DLC1: variants seen among roughly 807,000 people sequenced by gnomAD.
The protein encoded by DLC1 is rho GTPase-activating protein 7.
In DLC1, 54 loss-of-function variants were observed where a neutral mutation model predicts 140.3. The ratio of observed to expected loss-of-function variants is 0.38; its 90% CI spans 0.31 to 0.48. The LOEUF (loss-of-function observed/expected upper bound fraction) is 0.48, where lower values mean the gene tolerates loss of function less well. DLC1 is among the 20% of genes least tolerant of loss of function. The probability of loss-of-function intolerance (pLI) is 0.96; values close to 1 mark genes in which losing one functional copy is unlikely to be tolerated. For missense variants in DLC1, 2,536 were observed against 1,907.0 expected, an observed-to-expected ratio of 1.33 and a Z score of -6.14; for synonymous variants, 986 against 728.1, an observed-to-expected ratio of 1.35 and a Z score of -5.70.
At chr8:13,266,791 T>C (rs1033826895) in intron 5 of DLC1, among the ~76,000 whole-genome samples, 1 of 152,138 alleles carries the variant, frequency 6.6e-6, no homozygotes, top group Non-Finnish European at 1.5e-5. Flanking sequence ...GCCCTTTGCA[T>C]GGTTCTAATA....
intron 1 of DLC1, among the ~76,000 whole-genome samples, chr8:13,529,767 C>G (rs1333951149): frequency 6.6e-6 from 1 of 152,072 alleles, no homozygotes; most frequent in African/African-American, 2.4e-5. Context: ...ATGGGGAAGT[C>G]ACAGTCAAAA....
At chr8:13,100,923 T>A in intron 8 of DLC1, 153 bp from the exon 9 acceptor site, 50 of 716,744 alleles carry the variant, frequency 7.0e-5, no homozygotes, top group South Asian at 1.0e-4. Context: ...TTTTTTTTTT[T>A]AAAAATAGGG....
intron 5 of DLC1, among the ~76,000 whole-genome samples, chr8:13,226,081 T>C (rs769931481): frequency 2.0e-5 from 3 of 152,110 alleles, no homozygotes; most frequent in Non-Finnish European, 2.9e-5. Context: ...CTTGGCTACT[T>C]TTTTTGATTT....
chr8:13,468,335 C>CTCCCCT (rs148275266), intron 2 of DLC1, among the ~76,000 whole-genome samples: 1 of 107,798 alleles, frequency 9.3e-6, no homozygotes, highest in African/African-American at 3.2e-5. Context: ...TTCCCTTCCC[C>CTCCCCT]CCATTCCCCT....
upstream of DLC1, among the ~76,000 whole-genome samples, chr8:13,518,836 C>T (rs540270926): frequency 1.7e-4 from 26 of 152,064 alleles, no homozygotes; most frequent in South Asian, 4.6e-3. Context: ...GAAAATTATT[C>T]GTCTAAAAAT....
At chr8:13,333,517 G>C (rs1833691136) in intron 4 of DLC1, among the ~76,000 whole-genome samples, 1 of 152,036 alleles carries the variant, frequency 6.6e-6, no homozygotes, top group Non-Finnish European at 1.5e-5. Flanking sequence ...CCAATATGTG[G>C]GGATCAACAG....
At chr8:13,110,196 A>G (rs1424736967) in intron 7 of DLC1, among the ~76,000 whole-genome samples, 4 of 152,116 alleles carry the variant, frequency 2.6e-5, no homozygotes, top group Non-Finnish European at 5.9e-5. Flanking sequence ...AAGACCCAAA[A>G]CCACAATGAT....
intron 1 of DLC1, among the ~76,000 whole-genome samples, chr8:13,531,459 G>C (rs1803094033): frequency 6.6e-6 from 1 of 152,066 alleles, no homozygotes; most frequent in African/African-American, 2.4e-5. Flanking sequence ...GGTGATGGGG[G>C]CCTATAATCC....
At chr8:13,368,858 C>T (rs1191701364) in intron 4 of DLC1, among the ~76,000 whole-genome samples, 2 of 152,166 alleles carry the variant, frequency 1.3e-5, no homozygotes, top group African/African-American at 2.4e-5. Context: ...GAGTCTCACT[C>T]TGTTGCCCAG....
At chr8:13,099,291 C>G in intron 9 of DLC1, 56 bp downstream of exon 9, 1 of 1,557,986 alleles carries the variant, frequency 6.4e-7, no homozygotes, top group Non-Finnish European at 8.7e-7. Context: ...CAAGCACAGG[C>G]AATGTCTTTC....
At chr8:13,108,220 C>G (rs1819754649) in intron 7 of DLC1, among the ~76,000 whole-genome samples, 3 of 152,080 alleles carry the variant, frequency 2.0e-5, no homozygotes. Flanking sequence ...CAGTTGATGA[C>G]TATTACTGTG....
chr8:13,453,558 T>A (rs13277292), intron 2 of DLC1, among the ~76,000 whole-genome samples: 10,604 of 37,880 alleles, frequency 0.28, 1,510 homozygotes, highest in Non-Finnish European at 0.37. Context: ...ATATATATAT[T>A]TTTTTTTTTT....
At chr8:13,551,397 A>G (rs559742516) in intron 1 of DLC1, among the ~76,000 whole-genome samples, 6 of 152,104 alleles carry the variant, frequency 3.9e-5, no homozygotes, top group African/African-American at 1.4e-4. Context: ...TTTTATTATG[A>G]ATTTCCATAT....
chr8:13,262,775 C>T (rs1030290432), intron 5 of DLC1, among the ~76,000 whole-genome samples: 17 of 152,172 alleles, frequency 1.1e-4, no homozygotes, highest in South Asian at 4.2e-4. Context: ...AAGTGTATTG[C>T]TCCTAACTTA....
chr8:13,100,773 G>A lies in DLC1; in HGVS notation c.1567-3C>T. ...TCATCCTCGTCTGAATCGTCACTCT[G>A]CAAAGACAGAAAGGAGCCATTCACA... On this transcript the variant is annotated splice_region_variant and splice_polypyrimidine_tract_variant and intron_variant, in intron 8 of 17. Transcript: ENST00000276297. The A allele has an allele frequency of 1.3e-6, 2 of 1,553,908 alleles. No homozygotes were observed. The highest frequency in any genetic ancestry group is 1.7e-6 in the Non-Finnish European group (2 of 1,151,758).
At chr8:13,347,956 G>T (rs1275657817) in intron 4 of DLC1, among the ~76,000 whole-genome samples, 1 of 152,086 alleles carries the variant, frequency 6.6e-6, no homozygotes, top group Admixed American at 6.6e-5. Context: ...GGGCATGGTG[G>T]CAGGCACCTG....
chr8:13,231,566 T>A (rs1829048320), intron 5 of DLC1, among the ~76,000 whole-genome samples: 1 of 152,252 alleles, frequency 6.6e-6, no homozygotes, highest in Non-Finnish European at 1.5e-5. Flanking sequence ...AGCAAAGAGT[T>A]GAACTTTTCT....
At chr8:13,259,709 A>G (rs1830403409) in intron 5 of DLC1, among the ~76,000 whole-genome samples, 1 of 152,002 alleles carries the variant, frequency 6.6e-6, no homozygotes, top group African/African-American at 2.4e-5. Context: ...GCTTATTTGA[A>G]CTGGTGTGTG....
At position 13,472,202 on chromosome 8, in the gene DLC1, TGA is replaced by T. The variant is rs574371782; in HGVS notation, c.1023+26845_1023+26846del. 2.5e-3 allele frequency among the ~76,000 whole-genome samples: 387 copies of T among 152,316 alleles called. 1 individual carries two copies. Among genetic ancestry groups the T allele is most frequent in the Middle Eastern group, 6.8e-3 (2 of 294 alleles). ...CTTTCCCAGGGAATGGTTGAGAGAC[TGA>T]GAGCAATATCCTTCCCCTTAGGAAT... On this transcript the variant is annotated intron_variant, in intron 2 of 17. Transcript: ENST00000276297.
Sources: gnomAD v4.1 joint callset for allele counts (sites outside exome capture counted in the v4.1 genomes callset) on GRCh38, gnomAD v4.1.1 for gene constraint, MANE v1.5 for transcripts, NCBI Gene and HGNC (gene_info 2026-07-23, HGNC 2026-07-21) for gene names.